Variants in DMC1 observed in about 807,000 individuals in gnomAD.
DMC1 encodes the protein meiotic recombination protein DMC1 homolog.
Under a neutral mutation model 50.1 loss-of-function variants are expected in DMC1, and 27 were observed. That is an observed-to-expected ratio of 0.54 (90% CI 0.40 to 0.74). DMC1 has a LOEUF of 0.74. DMC1 is among the 30% of genes least tolerant of loss of function. DMC1 has a pLI of 0.00. For synonymous variants in DMC1, 148 were observed against 136.1 expected (o/e 1.09, Z -0.61); for missense variants, 295 against 420.2 (o/e 0.70, Z 2.60).
At chr22:38,512,976 C>T in the DMC1 span, among the ~76,000 whole-genome samples, 6 of 151,824 alleles carry the variant, frequency 4.0e-5, no homozygotes, top group South Asian at 2.1e-4. Flanking sequence ...CCCAGCTACT[C>T]GGGAGGCTGA....
At chr22:38,554,351 G>A (rs2090446501) in intron 6 of DMC1, among the ~76,000 whole-genome samples, 1 of 148,566 alleles carries the variant, frequency 6.7e-6, no homozygotes. Flanking sequence ...CAAACAATAA[G>A]CTCAGAAACA....
intron 7 of DMC1, among the ~76,000 whole-genome samples, chr22:38,551,860 T>C (rs897608265): frequency 1.4e-5 from 2 of 140,858 alleles, no homozygotes; most frequent in African/African-American, 2.6e-5. Flanking sequence ...TCCTTTCTTT[T>C]TTTTTTTTTT....
At chr22:38,563,536 C>G (rs2090550203) in intron 4 of DMC1, among the ~76,000 whole-genome samples, 1 of 152,062 alleles carries the variant, frequency 6.6e-6, no homozygotes, top group African/African-American at 2.4e-5. Flanking sequence ...GTCTCTCTCT[C>G]TCTCTCAATC....
chr22:38,533,382 C>T (rs374679371), intron 12 of DMC1, among the ~76,000 whole-genome samples: 27 of 121,378 alleles, frequency 2.2e-4, no homozygotes, highest in Middle Eastern at 6.0e-3. Context: ...AGTGACAGAG[C>T]GAGACTCCAT....
chr22:38,529,284 C>T (rs1016322093), intron 12 of DMC1, among the ~76,000 whole-genome samples: 4 of 152,224 alleles, frequency 2.6e-5, no homozygotes, highest in Non-Finnish European at 4.4e-5. Flanking sequence ...ACTGGGATTA[C>T]AGGCGTGAGC....
intron 8 of DMC1, among the ~76,000 whole-genome samples, chr22:38,543,387 G>C (rs1418486112): frequency 1.3e-5 from 2 of 152,036 alleles, no homozygotes; most frequent in African/African-American, 4.8e-5. Context: ...CCGCCACCAT[G>C]CCCGGCTAAT....
chr22:38,562,818 TACACAC>T (rs1569170914), intron 4 of DMC1, among the ~76,000 whole-genome samples: 2 of 151,836 alleles, frequency 1.3e-5, no homozygotes, highest in African/African-American at 4.9e-5. Context: ...TATACATATA[TACACAC>T]ATATATACAT....
In DMC1 at chr22:38,548,331, TG is replaced by T. The variant is rs1387195914; in HGVS notation, c.494+1593del. ...GCTCATGCCTGTAATCCCAGTCCTT[TG>T]GGAGGCCAAGGCAGGCAGATCGCTT... On this transcript the variant is annotated intron_variant, in intron 8 of 13. Transcript: ENST00000216024. Among the ~76,000 whole-genome samples the T allele has an allele frequency of 2.0e-5, 3 of 152,342 alleles. No homozygotes were observed. In the East Asian group the frequency reaches 5.8e-4, roughly 29 times the overall value.
chr22:38,546,753 G>T (rs891205160), intron 8 of DMC1, among the ~76,000 whole-genome samples: 3 of 152,184 alleles, frequency 2.0e-5, no homozygotes, highest in African/African-American at 7.2e-5. Flanking sequence ...AGCCTTAAAT[G>T]ATTTGTATGA....
the DMC1 span, among the ~76,000 whole-genome samples, chr22:38,511,423 A>T: frequency 2.6e-5 from 4 of 151,994 alleles, no homozygotes; most frequent in African/African-American, 9.6e-5. Context: ...TACAAATAAT[A>T]AAAAAATTAG....
At chr22:38,515,488 A>AG (rs1431626300), downstream of DMC1, among the ~76,000 whole-genome samples, 2 of 149,936 alleles carry the variant, frequency 1.3e-5, no homozygotes, top group Non-Finnish European at 3.0e-5. Flanking sequence ...AAAAAAAAAA[A>AG]AAAGAAAGAA....
In DMC1 at chr22:38,567,801, A is replaced by G. The variant is rs1464377373; in HGVS notation, c.52-174T>C. ...TTTCAAACACAGAAGAAGCACCAAC[A>G]TTGAAAGGGCTGGGAAGCCAGTTAC... is the stretch of plus-strand genomic sequence containing the variant. On this transcript the variant is annotated intron_variant, in intron 2 of 13. Transcript: ENST00000216024. 3.9e-5 allele frequency among the ~76,000 whole-genome samples: 6 copies of G among 152,348 alleles called. No homozygotes were observed. In the East Asian group the frequency reaches 1.2e-3, roughly 29 times the overall value.
chr22:38,552,612 G>A, intron 7 of DMC1, 54 bp downstream of exon 7: 1 of 1,210,412 alleles, frequency 8.3e-7, no homozygotes, highest in Non-Finnish European at 1.2e-6. Flanking sequence ...CATAGTAGAT[G>A]TTTGATAAGT....
intron 1 of DMC1, 45 bp from the exon 2 acceptor site, chr22:38,568,334 G>A: frequency 7.0e-7 from 1 of 1,420,844 alleles, no homozygotes; most frequent in Admixed American, 1.7e-5. Flanking sequence ...CCTTTGTCCA[G>A]GGGCCTCTGA....
In DMC1 at chr22:38,520,042, C is replaced by A. The variant is rs1217033535; in HGVS notation, c.1001G>T (p.Gly334Val). ...NEATFAITAG[G>V]IGDAKE ...CACCTACTCCTTGGCATCCCCAATT[C>A]CTCCAGCAGTTATTGCGAAGGTGGC... is the stretch of plus-strand genomic sequence containing the variant. The change falls in exon 14 of 14, where the codon GGA (glycine) becomes GTA (valine). Residue 334 changes from glycine (G) to valine (V), a missense_variant. Transcript: ENST00000216024. The A allele has an allele frequency of 6.2e-7, 1 of 1,613,690 alleles. No homozygotes were observed. The highest frequency in any genetic ancestry group is 2.2e-5 in the East Asian group (1 of 44,846).
At chr22:38,553,400 A>G (rs2090434326) in intron 6 of DMC1, among the ~76,000 whole-genome samples, 3 of 148,166 alleles carry the variant, frequency 2.0e-5, no homozygotes, top group Admixed American at 1.4e-4. Context: ...CGGGAGGCTG[A>G]GGCAGCAGAA....
At position 38,554,899 on chromosome 22, in the gene DMC1, T is replaced by C. The variant is rs1216014609; in HGVS notation, c.379+458A>G. Reference sequence around the variant, plus strand: ...GAGATCAAGACCATCCTGGCTAACATGGTGAAACCCCGTCTCCACTAAAAA... The same window carrying C: ...GAGATCAAGACCATCCTGGCTAACACGGTGAAACCCCGTCTCCACTAAAAA... On this transcript the variant is annotated intron_variant, in intron 6 of 13. Coordinates refer to ENST00000216024, the MANE Select transcript of DMC1 (RefSeq NM_007068.4). 2.6e-5 allele frequency among the ~76,000 whole-genome samples: 4 copies of C among 152,200 alleles called. No homozygotes were observed. The East Asian group carries it at 7.7e-4, about 29-fold the overall frequency.
chr22:38,514,459 G>A (rs914294831), downstream of DMC1, among the ~76,000 whole-genome samples: 2 of 151,806 alleles, frequency 1.3e-5, no homozygotes, highest in East Asian at 1.9e-4. Flanking sequence ...GGCCAGGATC[G>A]TCTAGATCTC....
intron 8 of DMC1, among the ~76,000 whole-genome samples, chr22:38,542,128 T>G (rs946971048): frequency 1.4e-5 from 2 of 147,884 alleles, no homozygotes; most frequent in African/African-American, 2.5e-5. Context: ...AAACTGAAAG[T>G]CTTTCCTCTA....
Sources: gnomAD v4.1 joint callset for allele counts (sites outside exome capture counted in the v4.1 genomes callset) on GRCh38, gnomAD v4.1.1 for gene constraint, MANE v1.5 for transcripts, NCBI Gene and HGNC (gene_info 2026-07-23, HGNC 2026-07-21) for gene names.